The following DNAH12 variants were observed in gnomAD, a reference collection of about 807,000 sequenced individuals.
DNAH12 encodes the protein axonemal beta dynein heavy chain 12.
Under a neutral mutation model 371.5 loss-of-function variants are expected in DNAH12, and 285 were observed. That is an observed-to-expected ratio of 0.77 (90% confidence interval 0.70 to 0.85). The LOEUF (loss-of-function observed/expected upper bound fraction) is 0.85. Ranked by LOEUF, DNAH12 falls within the 40% of genes least tolerant of loss-of-function variation. DNAH12 has a pLI of 0.00. For missense variants in DNAH12, 3,611 were observed against 3,689.4 expected (o/e 0.98, Z 0.55); for synonymous variants, 1,200 against 1,213.0 (o/e 0.99, Z 0.22).
chr3:57,448,621 C>T (rs918246893), intron 25 of DNAH12, among the ~76,000 whole-genome samples: 1 of 152,186 alleles, frequency 6.6e-6, no homozygotes, highest in Non-Finnish European at 1.5e-5. Context: ...ACCATGTTGC[C>T]AATGCTGGCT....
At chr3:57,455,759 T>C (rs915287602) in intron 22 of DNAH12, among the ~76,000 whole-genome samples, 1 of 152,214 alleles carries the variant, frequency 6.6e-6, no homozygotes, top group African/African-American at 2.4e-5. Context: ...ATATATTTGT[T>C]CAATTATGCA....
chr3:57,469,299 CTAT>C (rs1471687025), intron 16 of DNAH12, among the ~76,000 whole-genome samples: 1 of 152,086 alleles, frequency 6.6e-6, no homozygotes, highest in African/African-American at 2.4e-5. Context: ...GCCAGAATGG[CTAT>C]TATTAAAAAG....
intron 13 of DNAH12, among the ~76,000 whole-genome samples, chr3:57,476,553 G>A (rs2153382009): frequency 8.5e-6 from 1 of 118,074 alleles, no homozygotes; most frequent in Admixed American, 8.7e-5. Flanking sequence ...GACAGAGCGA[G>A]ACTCTGTCTC....
chr3:57,308,847 ATTTTT>A, intron 69 of DNAH12, among the ~76,000 whole-genome samples: 1 of 152,104 alleles, frequency 6.6e-6, no homozygotes, highest in East Asian at 1.9e-4. Flanking sequence ...ATTCCATTTA[ATTTTT>A]TAATTCATAC....
rs890100447 is a variant in DNAH12 at position 57,375,407 on chromosome 3, A to C, written c.8723T>G (p.Ile2908Arg). Residue 2908 changes from isoleucine to arginine, a missense_variant, in exon 55 of 74, where the codon ATA becomes AGA. Ile to Arg is a moderately conservative substitution (Grantham distance 97, BLOSUM62 -3). Coordinates refer to ENST00000495027, the MANE Select transcript of DNAH12 (RefSeq NM_001366028.2). ...IAGLPTDTFS[I>R]DNGVIVNNCR... ...GTTGTTAACGATCACTCCGTTATCT[A>C]TGGAAAATGTATCTGTTGGTAAACC... is the stretch of plus-strand genomic sequence containing the variant. 2.0e-5 allele frequency: 3 copies of C among 152,180 alleles called. No homozygotes were observed. The highest frequency in any genetic ancestry group is 2.0e-4 in the Admixed American group (3 of 15,266). The allele number at this position is 152,180 out of a possible 1,614,324, so 9.4% of individuals were successfully genotyped here.
At chr3:57,447,278 A>C (rs2065536594) in intron 25 of DNAH12, among the ~76,000 whole-genome samples, 1 of 152,234 alleles carries the variant, frequency 6.6e-6, no homozygotes, top group Non-Finnish European at 1.5e-5. Flanking sequence ...TTTTCTCATC[A>C]ATTAGTCTTT....
intron 63 of DNAH12, 24 bp from the exon 64 acceptor site, chr3:57,323,284 T>C (rs2153294998): frequency 6.5e-7 from 1 of 1,546,152 alleles, no homozygotes; most frequent in Non-Finnish European, 8.7e-7. Flanking sequence ...AAAAAAATGG[T>C]CACACTACTT....
rs549461684 is a variant in DNAH12, at chr3:57,408,646, A to G, written c.6021-111T>C. On this transcript the variant is annotated intron_variant, in intron 39 of 73. Transcript: ENST00000495027. The stretch of plus-strand genomic sequence containing the variant: ...TCAGATTTTAGCTTCTCTAAAAGGA[A>G]TAACTTCAGATAACACTTTGAGTAG... The G allele has an allele frequency of 6.3e-6, 8 of 1,261,656 alleles. No individual in the cohort carries two copies. In the African/African-American group the frequency reaches 7.7e-5, roughly 12 times the overall value. The allele number at this position is 1,261,656 out of a possible 1,614,324, so 78.2% of individuals were successfully genotyped here. A position where few individuals can be genotyped will look rare whatever the true frequency, so the allele number is the denominator to read the frequency against.
Position 57,386,582 on chromosome 3 carries a change from T to A in DNAH12, c.7461A>T (p.Arg2487=), listed in dbSNP as rs2063503190. The change falls in exon 47 of 74, where the codon CGA becomes CGT. Residue 2487 remains arginine, a synonymous_variant. Coordinates refer to ENST00000495027, the MANE Select transcript of DNAH12 (RefSeq NM_001366028.2). ...LSERFLHELG[R]HNYVTATSYL... is the part of the protein sequence containing the mutation. ...AAGAAGTAGCAGTAACATAGTTATG[T>A]CGTCCTAACTCATGCAAGAACCTAA... The A allele has an allele frequency of 6.6e-6, 1 of 152,210 alleles. No homozygotes were observed. Among genetic ancestry groups the A allele is most frequent in the Non-Finnish European group, 1.5e-5 (1 of 68,038 alleles). The allele number at this position is 152,210 out of a possible 1,614,324, so 9.4% of individuals were successfully genotyped here.
rs1418546230 is a variant in DNAH12, at chr3:57,337,004, T to C, written c.9675-2064A>G. Among the ~76,000 whole-genome samples, 5 of 152,162 alleles carry C rather than the reference T, an allele frequency of 3.3e-5. 1 individual carries two copies. Among genetic ancestry groups the C allele is most frequent in the Middle Eastern group, 6.3e-3 (2 of 316 alleles). ...AACACCCAACTATATGCTGCCTACA[T>C]GAAACTCACCTCACCTGAAAAGACA... On this transcript the variant is annotated intron_variant, in intron 60 of 73. Coordinates refer to ENST00000495027, the MANE Select transcript of DNAH12 (RefSeq NM_001366028.2).
intron 40 of DNAH12, 56 bp downstream of exon 40, chr3:57,408,224 C>A: frequency 2.1e-6 from 3 of 1,435,196 alleles, no homozygotes; most frequent in South Asian, 3.2e-5. Flanking sequence ...ATAAAATAAG[C>A]GCCAAATGAG....
chr3:57,324,423 G>C (rs955489701), intron 62 of DNAH12, among the ~76,000 whole-genome samples: 1 of 152,148 alleles, frequency 6.6e-6, no homozygotes, highest in African/African-American at 2.4e-5. Context: ...ATGATATCTT[G>C]ATATTTGGTC....
At chr3:57,319,598 G>A (rs1370846726) in intron 65 of DNAH12, among the ~76,000 whole-genome samples, 1 of 152,084 alleles carries the variant, frequency 6.6e-6, no homozygotes, top group Non-Finnish European at 1.5e-5. Context: ...GTTTCTTCCT[G>A]AGATGGAGTC....
At chr3:57,467,413 T>C (rs893607762) in intron 17 of DNAH12, among the ~76,000 whole-genome samples, 3 of 152,184 alleles carry the variant, frequency 2.0e-5, no homozygotes, top group South Asian at 4.1e-4. Context: ...TAAGACACCA[T>C]GCCTGGCCTT....
intron 60 of DNAH12, among the ~76,000 whole-genome samples, chr3:57,340,252 C>T (rs548988627): frequency 6.6e-6 from 1 of 151,688 alleles, no homozygotes; most frequent in African/African-American, 2.4e-5. Flanking sequence ...TAATGATGCA[C>T]CTCAAGAAAC....
rs885583 is a variant in DNAH12 at position 57,295,997 on chromosome 3, C to T, written c.11624+347G>A. ...AAAATGCAAGAAAAGGTTTCCCATTCACTAACAGAAAGGTGAACTTCATTA... is the reference window on the plus strand; with the variant it reads ...AAAATGCAAGAAAAGGTTTCCCATTTACTAACAGAAAGGTGAACTTCATTA... On this transcript the variant is annotated intron_variant, in intron 72 of 73. Transcript: ENST00000495027. Among the ~76,000 whole-genome samples, 554 of 152,228 alleles carry T rather than the reference C, an allele frequency of 3.6e-3. 4 individuals carry two copies. Among genetic ancestry groups the T allele is most frequent in the African/African-American group, 0.013 (532 of 41,542 alleles).
At chr3:57,508,934 T>G (rs2067878759) in intron 6 of DNAH12, among the ~76,000 whole-genome samples, 2 of 152,172 alleles carry the variant, frequency 1.3e-5, no homozygotes, top group South Asian at 4.1e-4. Flanking sequence ...AGCTATGCAT[T>G]CATAAAGATC....
At chr3:57,372,748 AC>A (rs1265972094) in intron 55 of DNAH12, among the ~76,000 whole-genome samples, 6 of 151,762 alleles carry the variant, frequency 4.0e-5, no homozygotes, top group African/African-American at 7.2e-5. Flanking sequence ...ATCATAAAAA[AC>A]AAATTCAGTT....
At chr3:57,403,625 A>G in intron 42 of DNAH12, 124 bp from the exon 43 acceptor site, 1 of 864,924 alleles carries the variant, frequency 1.2e-6, no homozygotes, top group Non-Finnish European at 1.6e-6. Flanking sequence ...TACTATCCCA[A>G]TTTTAAAGAG....
Sources: gnomAD v4.1 joint callset for allele counts (sites outside exome capture counted in the v4.1 genomes callset) on GRCh38, gnomAD v4.1.1 for gene constraint, MANE v1.5 for transcripts, NCBI Gene and HGNC (gene_info 2026-07-23, HGNC 2026-07-21) for gene names.